CD59: variants seen among roughly 807,000 people sequenced by gnomAD.
CD59 encodes the protein CD59 glycoprotein.
Under a neutral mutation model 7.0 loss-of-function variants are expected in CD59, and 3 were observed. The observed-to-expected ratio is 0.43, with a 90% CI of 0.19 to 1.10. The LOEUF (loss-of-function observed/expected upper bound fraction) is 1.10. Ranked by LOEUF, CD59 falls within the 50% of genes least tolerant of loss-of-function variation. CD59 has a pLI of 0.29. For missense variants in CD59, 143 were observed against 151.0 expected, an observed-to-expected ratio of 0.95 and a Z score of 0.28; for synonymous variants, 60 against 62.0, an observed-to-expected ratio of 0.97 and a Z score of 0.15.
At chr11:33,731,067 AAC>A (rs1204429299) in intron 1 of CD59, among the ~76,000 whole-genome samples, 1 of 152,196 alleles carries the variant, frequency 6.6e-6, no homozygotes, top group African/African-American at 2.4e-5. Flanking sequence ...CAATACATAT[AAC>A]ACACCAAATG....
At chr11:33,730,283 C>T (rs1020022378) in intron 1 of CD59, among the ~76,000 whole-genome samples, 24 of 151,572 alleles carry the variant, frequency 1.6e-4, no homozygotes, top group Non-Finnish European at 2.7e-4. Flanking sequence ...GGTGTGGTGG[C>T]GTGTGCCTGT....
intron 1 of CD59, among the ~76,000 whole-genome samples, chr11:33,731,760 G>A (rs1590546962): frequency 6.6e-6 from 1 of 152,226 alleles, no homozygotes; most frequent in Admixed American, 6.5e-5. Flanking sequence ...TATAAAAGAA[G>A]CTGTTAGTTC....
At chr11:33,723,238 A>C (rs1854147494) in intron 1 of CD59, among the ~76,000 whole-genome samples, 1 of 152,176 alleles carries the variant, frequency 6.6e-6, no homozygotes, top group Non-Finnish European at 1.5e-5. Context: ...CCTGTAAACC[A>C]GGGTACTCCA....
At chr11:33,715,064 C>G (rs997277307) in intron 3 of CD59, among the ~76,000 whole-genome samples, 1 of 151,796 alleles carries the variant, frequency 6.6e-6, no homozygotes, top group Admixed American at 6.6e-5. Context: ...CTGCCTCAGC[C>G]TCCCGAGAGG....
chr11:33,710,066 G>A lies in CD59; in HGVS notation c.*60C>T, dbSNP rs1853469880. ...AATATCAAGCCTTTAGAATGTGGCA[G>A]CAAGAGAAAGCGGACTACGCAGGAA... On this transcript the variant is annotated 3_prime_UTR_variant, in exon 4 of 4. Transcript: ENST00000642928. The A allele has an allele frequency of 8.0e-7, 1 of 1,254,700 alleles. No individual in the cohort carries two copies. Among genetic ancestry groups the A allele is most frequent in the South Asian group, 1.3e-5 (1 of 79,584 alleles). 77.7% of individuals were successfully genotyped at this position (1,254,700 alleles called of 1,614,324 possible).
intron 3 of CD59, among the ~76,000 whole-genome samples, chr11:33,711,195 G>A (rs192675844): frequency 6.6e-5 from 10 of 152,214 alleles, no homozygotes; most frequent in South Asian, 2.1e-4. Context: ...CACCAGGTGC[G>A]GTGGCTCACA....
At chr11:33,725,787 C>T (rs861256) in intron 1 of CD59, among the ~76,000 whole-genome samples, 93,083 of 151,930 alleles carry the variant, frequency 0.61, 28,721 homozygotes, top group African/African-American at 0.66. Flanking sequence ...GGTGGGGAAC[C>T]GCATAGCCAG....
intron 1 of CD59, among the ~76,000 whole-genome samples, chr11:33,732,773 TGGTA>T (rs1435278170): frequency 2.6e-5 from 4 of 152,148 alleles, no homozygotes; most frequent in African/African-American, 9.7e-5. Context: ...CTAACTTATG[TGGTA>T]GGTAGAATAA....
intron 1 of CD59, among the ~76,000 whole-genome samples, chr11:33,726,026 T>TA (rs1481583253): frequency 1.3e-5 from 2 of 152,176 alleles, no homozygotes; most frequent in African/African-American, 4.8e-5. Flanking sequence ...CCTAGACGCA[T>TA]AAAGCAAGTT....
intron 1 of CD59, among the ~76,000 whole-genome samples, chr11:33,734,779 C>A (rs1008042866): frequency 3.3e-5 from 5 of 152,218 alleles, no homozygotes; most frequent in African/African-American, 1.2e-4. Flanking sequence ...GCCTCAAGCA[C>A]TTCTGGGCTT....
intron 1 of CD59, among the ~76,000 whole-genome samples, chr11:33,727,327 A>G (rs1340152295): frequency 6.6e-6 from 1 of 152,212 alleles, no homozygotes; most frequent in Admixed American, 6.5e-5. Context: ...ATTCACCACA[A>G]TCAAGTCGGC....
At chr11:33,727,002 T>C (rs1854279189) in intron 1 of CD59, among the ~76,000 whole-genome samples, 1 of 152,094 alleles carries the variant, frequency 6.6e-6, no homozygotes, top group South Asian at 2.1e-4. Flanking sequence ...AACAGACCAA[T>C]AACAGGTTCT....
chr11:33,733,737 G>C (rs1009496332), intron 1 of CD59: 4 of 152,362 alleles, frequency 2.6e-5, no homozygotes, highest in African/African-American at 9.6e-5. Context: ...AACTCTAGTG[G>C]GGAGACGGGA....
chr11:33,716,889 A>G (rs971193971), intron 3 of CD59, among the ~76,000 whole-genome samples: 1 of 152,300 alleles, frequency 6.6e-6, no homozygotes. Flanking sequence ...CAGATACCCC[A>G]TGGAATGAGA....
Position 33,709,921 on chromosome 11 carries a change from C to T in CD59, c.*205G>A, listed in dbSNP as rs1415965173. On this transcript the variant is annotated 3_prime_UTR_variant, in exon 4 of 4. Coordinates refer to ENST00000642928, the MANE Select transcript of CD59 (RefSeq NM_000611.6). ...TCACACCTACTTCACTCTTAGACTTCTTCCTTCAAGTGGGGCTTCCCTGCA... is the reference window on the plus strand; with the variant it reads ...TCACACCTACTTCACTCTTAGACTTTTTCCTTCAAGTGGGGCTTCCCTGCA... 1 of 628,788 alleles carries T rather than the reference C, an allele frequency of 1.6e-6. No homozygotes were observed. The highest frequency in any genetic ancestry group is 2.8e-6 in the Non-Finnish European group (1 of 354,812). 39.0% of individuals were successfully genotyped at this position (628,788 alleles called of 1,614,324 possible). A position where few individuals can be genotyped will look rare whatever the true frequency, so the allele number is the denominator to read the frequency against.
chr11:33,721,136 A>G (rs1854041604), intron 2 of CD59, among the ~76,000 whole-genome samples: 3 of 152,240 alleles, frequency 2.0e-5, no homozygotes, highest in Non-Finnish European at 4.4e-5. Context: ...AAATAATTAT[A>G]GAAAAAATAT....
intron 1 of CD59, among the ~76,000 whole-genome samples, chr11:33,725,632 T>C (rs1035427402): frequency 1.3e-5 from 2 of 152,198 alleles, no homozygotes; most frequent in Non-Finnish European, 2.9e-5. Context: ...TCTAAAGTCA[T>C]TTCCGTAATG....
intron 3 of CD59, 104 bp downstream of exon 3, chr11:33,717,266 G>A: frequency 1.4e-6 from 1 of 726,634 alleles, no homozygotes; most frequent in Non-Finnish European, 2.5e-6. Flanking sequence ...ATAAATGGTA[G>A]CTATTACTTG....
At position 33,707,933 on chromosome 11, in the gene CD59, T is replaced by C. The variant is rs1049101367; in HGVS notation, c.*2193A>G. 1 of 152,184 alleles carries C rather than the reference T, an allele frequency of 6.6e-6. No individual in the cohort carries two copies. Among genetic ancestry groups the C allele is most frequent in the Non-Finnish European group, 1.5e-5 (1 of 68,050 alleles). 9.4% of individuals were successfully genotyped at this position (152,184 alleles called of 1,614,324 possible). On this transcript the variant is annotated 3_prime_UTR_variant, in exon 4 of 4. Transcript: ENST00000642928. ...CCTATCGGGGCAGTCATTGTTCCGCTGTCAGGAGGAGAGGGGCCAGAAGGG... is the reference window on the plus strand; with the variant it reads ...CCTATCGGGGCAGTCATTGTTCCGCCGTCAGGAGGAGAGGGGCCAGAAGGG...
Sources: gnomAD v4.1 joint callset for allele counts (sites outside exome capture counted in the v4.1 genomes callset) on GRCh38, gnomAD v4.1.1 for gene constraint, MANE v1.5 for transcripts, NCBI Gene and HGNC (gene_info 2026-07-23, HGNC 2026-07-21) for gene names.